Variants in FANCM observed in about 807,000 individuals in gnomAD.
The protein encoded by FANCM is Fanconi anemia group M protein.
FANCM carries 140 observed loss-of-function variants against 199.5 expected under a neutral mutation model. The observed-to-expected ratio is 0.70, with a 90% CI of 0.61 to 0.81. FANCM has a LOEUF of 0.81. Among genes scored for constraint, FANCM ranks in the 30% least tolerant of loss-of-function variants. The probability of loss-of-function intolerance (pLI) is 0.00; values close to 1 mark genes in which losing one functional copy is unlikely to be tolerated. For synonymous variants in FANCM, 840 were observed against 836.8 expected (o/e 1.00, Z -0.07); for missense variants, 2,410 against 2,421.4 (o/e 1.00, Z 0.10).
At chr14:45,182,560 G>T (rs367585022) in intron 16 of FANCM, among the ~76,000 whole-genome samples, 1 of 152,160 alleles carries the variant, frequency 6.6e-6, no homozygotes, top group East Asian at 1.9e-4. Flanking sequence ...AAGTCACAGC[G>T]TCTGGCAGGC....
intron 14 of FANCM, among the ~76,000 whole-genome samples, chr14:45,178,839 T>G (rs1344463067): frequency 6.6e-6 from 1 of 152,122 alleles, no homozygotes; most frequent in East Asian, 1.9e-4. Flanking sequence ...CCTAAAATAA[T>G]CAGTAAAATA....
rs1888628927 is a variant in FANCM at position 45,175,624 on chromosome 14, CTAACTT to C, written c.2871_2876del (p.Asn958_Leu959del). 2 of 1,613,426 alleles carry C rather than the reference CTAACTT, an allele frequency of 1.2e-6. No homozygotes were observed. Among genetic ancestry groups the C allele is most frequent in the Non-Finnish European group, 1.7e-6 (2 of 1,179,678 alleles). On this transcript the variant is annotated inframe_deletion, in exon 14 of 23. Transcript: ENST00000267430. ...TTCAATGATGAAAAATCTGTTTCAT[CTAACTT>C]ATTTCTTCCATTCGAAGAAGAGCTT...
rs1448270737 is a variant in FANCM at position 45,176,499 on chromosome 14, A to G, written c.3745A>G (p.Thr1249Ala). The change falls in exon 14 of 23, where the codon ACA becomes GCA. Residue 1249 changes from threonine (T) to alanine (A), a missense_variant. Transcript: ENST00000267430. ...TTCTGATGATGAAATATTGGAACAT[A>G]CATCAGATAGCAATAGACCTCTAGA... ...PDSDDEILEH[T>A]SDSNRPLDDL... 5.0e-6 allele frequency: 8 copies of G among 1,606,818 alleles called. No homozygotes were observed. Among genetic ancestry groups the G allele is most frequent in the Non-Finnish European group, 6.8e-6 (8 of 1,176,376 alleles).
intron 3 of FANCM, among the ~76,000 whole-genome samples, chr14:45,145,608 A>G (rs1886306808): frequency 6.6e-6 from 1 of 152,106 alleles, no homozygotes; most frequent in African/African-American, 2.4e-5. Flanking sequence ...GGGATGAGGG[A>G]GGGGTGGTGT....
At chr14:45,168,492 A>G (rs1275990327) in intron 11 of FANCM, among the ~76,000 whole-genome samples, 1 of 151,450 alleles carries the variant, frequency 6.6e-6, no homozygotes, top group Non-Finnish European at 1.5e-5. Context: ...ACTGAGGTCG[A>G]TGGCAAATTC....
intron 14 of FANCM, 107 bp from the exon 15 acceptor site, chr14:45,181,323 G>C: frequency 3.0e-6 from 2 of 662,144 alleles, no homozygotes; most frequent in Non-Finnish European, 5.3e-6. Flanking sequence ...AATAAATGTT[G>C]AGATTGCGTG....
In FANCM at chr14:45,198,670, A is replaced by G; in HGVS notation, c.5743A>G (p.Thr1915Ala). The change falls in exon 22 of 23, where the codon ACA becomes GCA. Residue 1915 changes from threonine (T) to alanine (A), a missense_variant. By Grantham distance (58) the Thr-to-Ala change is moderately conservative. Coordinates refer to ENST00000267430, the MANE Select transcript of FANCM (RefSeq NM_020937.4). The part of the protein sequence containing the change: ...TGDTSRMFRR[T>A]KSYDSLLTTL... ...AGACACATCAAGGATGTTTAGGAGAACAAAGAGCTATGACAGCCTGCTGAC... is the reference window on the plus strand; with the variant it reads ...AGACACATCAAGGATGTTTAGGAGAGCAAAGAGCTATGACAGCCTGCTGAC... The G allele has an allele frequency of 3.1e-6, 5 of 1,612,880 alleles. No individual in the cohort carries two copies. The highest frequency in any genetic ancestry group is 4.2e-6 in the Non-Finnish European group (5 of 1,178,998).
chr14:45,195,557 T>G (rs1236318126), intron 20 of FANCM: 5 of 456,588 alleles, frequency 1.1e-5, no homozygotes, highest in Non-Finnish European at 1.3e-5. Context: ...CCACAGGATT[T>G]GGCAGATTAC....
intron 20 of FANCM, among the ~76,000 whole-genome samples, chr14:45,192,449 C>G (rs994444217): frequency 2.0e-5 from 3 of 152,208 alleles, no homozygotes; most frequent in Non-Finnish European, 4.4e-5. Context: ...TGATACCAGC[C>G]TGGCCAACAC....
Position 45,170,744 on chromosome 14 carries a change from C to A in FANCM, c.2158C>A (p.Pro720Thr). The A allele has an allele frequency of 6.2e-7, 1 of 1,609,152 alleles. No individual in the cohort carries two copies. The highest frequency in any genetic ancestry group is 8.5e-7 in the Non-Finnish European group (1 of 1,176,110). The change falls in exon 12 of 23, where the codon CCA (proline) becomes ACA (threonine). Residue 720 changes from proline to threonine, a missense_variant and splice_region_variant. Pro to Thr is a conservative substitution (Grantham distance 38). Coordinates refer to ENST00000267430, the MANE Select transcript of FANCM (RefSeq NM_020937.4). ...TTCTTTACAAAATGAGGAAAACAAACCAGTAAGTTGAATATATTTTCAGAT... is the reference window on the plus strand; with the variant it reads ...TTCTTTACAAAATGAGGAAAACAAAACAGTAAGTTGAATATATTTTCAGAT... ...FSSLQNEENK[P>T]AQESTTGIHQ...
At chr14:45,154,598 A>G in intron 6 of FANCM, 99 bp from the exon 7 acceptor site, 1 of 875,332 alleles carries the variant, frequency 1.1e-6, no homozygotes, top group Non-Finnish European at 1.7e-6. Context: ...CACTTGAAAA[A>G]CTTACATTCA....
At chr14:45,177,491 A>G (rs1416678086) in intron 14 of FANCM, among the ~76,000 whole-genome samples, 1 of 152,050 alleles carries the variant, frequency 6.6e-6, no homozygotes, top group Non-Finnish European at 1.5e-5. Context: ...TCCCAGGTTC[A>G]AGTGATTTTC....
chr14:45,189,589 T>C (rs1247809626), intron 20 of FANCM, among the ~76,000 whole-genome samples: 1 of 152,212 alleles, frequency 6.6e-6, no homozygotes, highest in Non-Finnish European at 1.5e-5. Flanking sequence ...GTTAACACTA[T>C]GTAAGGAAAC....
In FANCM at chr14:45,135,964, G is replaced by A; in HGVS notation, c.-68G>A. 6.4e-7 allele frequency: 1 copy of A among 1,553,222 alleles called. No homozygotes were observed. Among genetic ancestry groups the A allele is most frequent in the Non-Finnish European group, 8.9e-7 (1 of 1,128,430 alleles). On this transcript the variant is annotated 5_prime_UTR_variant, in exon 1 of 23. Transcript: ENST00000267430. ...TGTGCGAAGGAAACCGATGGGGATC[G>A]GAACCGTAGCGGTTGAGCTGCTGCT...
intron 20 of FANCM, among the ~76,000 whole-genome samples, chr14:45,192,841 T>A (rs1169575956): frequency 4.7e-5 from 7 of 150,224 alleles, no homozygotes; most frequent in African/African-American, 1.7e-4. Flanking sequence ...AAAAAAAAAT[T>A]AAAAAAAAAT....
intron 21 of FANCM, among the ~76,000 whole-genome samples, chr14:45,198,167 A>G (rs1594485004): frequency 6.6e-6 from 1 of 152,200 alleles, no homozygotes; most frequent in East Asian, 1.9e-4. Context: ...AATAGGGAAT[A>G]CCAATAAAAG....
chr14:45,135,943 C>G lies in FANCM; in HGVS notation c.-89C>G. ...CGCCTTCTCGTTCCAGAGTTTTGTGCGAAGGAAACCGATGGGGATCGGAAC... is the reference window on the plus strand; with the variant it reads ...CGCCTTCTCGTTCCAGAGTTTTGTGGGAAGGAAACCGATGGGGATCGGAAC... On this transcript the variant is annotated 5_prime_UTR_variant, in exon 1 of 23. Transcript: ENST00000267430. 8 of 1,426,444 alleles carry G rather than the reference C, an allele frequency of 5.6e-6. No homozygotes were observed. Among genetic ancestry groups the G allele is most frequent in the Non-Finnish European group, 7.9e-6 (8 of 1,016,040 alleles). 88.4% of individuals were successfully genotyped at this position (1,426,444 alleles called of 1,614,324 possible). A position where few individuals can be genotyped will look rare whatever the true frequency, so the allele number is the denominator to read the frequency against.
chr14:45,143,343 C>G (rs1237400032), intron 3 of FANCM, among the ~76,000 whole-genome samples: 1 of 151,762 alleles, frequency 6.6e-6, no homozygotes, highest in Non-Finnish European at 1.5e-5. Flanking sequence ...ATTTTTGTAT[C>G]TTTTGTAGAG....
chr14:45,154,398 TAA>T (rs5808292), intron 6 of FANCM, among the ~76,000 whole-genome samples: 66 of 125,916 alleles, frequency 5.2e-4, no homozygotes, highest in South Asian at 9.9e-4. Context: ...GAGACTGTCT[TAA>T]AAAAAAAAAA....
Sources: gnomAD v4.1 joint callset for allele counts (sites outside exome capture counted in the v4.1 genomes callset) on GRCh38, gnomAD v4.1.1 for gene constraint, MANE v1.5 for transcripts, NCBI Gene and HGNC (gene_info 2026-07-23, HGNC 2026-07-21) for gene names.